The following TFDP1 variants were observed in gnomAD, a reference collection of about 807,000 sequenced individuals.
The protein encoded by TFDP1 is transcription factor Dp-1.
TFDP1 carries 6 observed loss-of-function variants against 48.0 expected under a neutral mutation model. The observed-to-expected ratio is 0.13, with a 90% CI of 0.07 to 0.25. The LOEUF is 0.25. TFDP1 is among the 10% of genes least tolerant of loss of function. The pLI is 1.00. For missense variants in TFDP1, 335 were observed against 543.0 expected, an observed-to-expected ratio of 0.62 and a Z score of 3.81; for synonymous variants, 201 against 211.6, an observed-to-expected ratio of 0.95 and a Z score of 0.44.
chr13:113,597,808 C>T lies in TFDP1; in HGVS notation c.12+11959C>T, dbSNP rs1027243279. On this transcript the variant is annotated intron_variant, in intron 2 of 11. Transcript: ENST00000375370. ...GTGTGTCCAATGTGAGGGCTCTGAG[C>T]TCAGGAGCCAGCATCCAGACACGCT... Among the ~76,000 whole-genome samples the T allele has an allele frequency of 3.2e-4, 48 of 152,338 alleles. 1 individual carries two copies. The highest frequency in any genetic ancestry group is 3.1e-3 in the Admixed American group (47 of 15,304).
intron 2 of TFDP1, among the ~76,000 whole-genome samples, chr13:113,588,190 C>T (rs539170297): frequency 6.6e-6 from 1 of 152,358 alleles, no homozygotes; most frequent in South Asian, 2.1e-4. Flanking sequence ...TGCAGTAAAA[C>T]CACAGGTGTA....
chr13:113,640,167 G>A lies in TFDP1; in HGVS notation c.1133G>A (p.Gly378Glu), dbSNP rs1246483711. 1 of 1,612,812 alleles carries A rather than the reference G, an allele frequency of 6.2e-7. No individual in the cohort carries two copies. The highest frequency in any genetic ancestry group is 2.2e-5 in the East Asian group (1 of 44,720). Residue 378 changes from glycine to glutamate, a missense_variant, in exon 12 of 12, where the codon GGG (glycine) becomes GAG (glutamate). By Grantham distance (98) the Gly-to-Glu change is moderately conservative. Around this residue, in one of 3 missense-constraint regions of TFDP1, gnomAD observed 204 missense variants for 287.1 expected, o/e 0.71. Coordinates refer to ENST00000375370, the MANE Select transcript of TFDP1 (RefSeq NM_007111.5). The part of the protein sequence containing the change: ...ADGMLATSSN[G>E]SQYSGSRVET... ...GGGATGCTGGCCACAAGCTCCAATG[G>A]GTCTCAGTACAGCGGCTCCAGGGTG...
chr13:113,608,797 G>A (rs990212734), intron 2 of TFDP1, among the ~76,000 whole-genome samples: 1 of 152,170 alleles, frequency 6.6e-6, no homozygotes, highest in Non-Finnish European at 1.5e-5. Context: ...TTCATCTCCT[G>A]TGGGTTCTAG....
chr13:113,610,289 G>A (rs904238190), intron 2 of TFDP1, among the ~76,000 whole-genome samples: 1 of 152,124 alleles, frequency 6.6e-6, no homozygotes, highest in African/African-American at 2.4e-5. Context: ...TGTGCTTGCT[G>A]TGTGGCTGTA....
chr13:113,629,380 A>T (rs1001473898), intron 4 of TFDP1, among the ~76,000 whole-genome samples: 1 of 152,182 alleles, frequency 6.6e-6, no homozygotes, highest in Non-Finnish European at 1.5e-5. Context: ...GGTGAGCACC[A>T]TTGAGCACCT....
At chr13:113,603,171 C>T (rs372191334) in intron 2 of TFDP1, among the ~76,000 whole-genome samples, 2 of 152,186 alleles carry the variant, frequency 1.3e-5, no homozygotes, top group South Asian at 2.1e-4. Flanking sequence ...GGTGAGACAG[C>T]GTGGGGTCCA....
At position 113,635,110 on chromosome 13, in the gene TFDP1, G is replaced by C. The variant is rs4150803; in HGVS notation, c.687+508G>C. ...GGTGGACACAGTGCACCTGGGTCTT[G>C]ACAGTGCTGATCAGGGCCCTGGAGC... is the stretch of plus-strand genomic sequence containing the variant. On this transcript the variant is annotated intron_variant, in intron 8 of 11. Transcript: ENST00000375370. Among the ~76,000 whole-genome samples, 61 of 152,356 alleles carry C rather than the reference G, an allele frequency of 4.0e-4. 1 individual carries two copies. The South Asian group carries it at 0.013, about 32-fold the overall frequency.
intron 9 of TFDP1, 91 bp from the exon 10 acceptor site, chr13:113,636,443 C>CG: frequency 7.1e-7 from 1 of 1,409,778 alleles, no homozygotes; most frequent in African/African-American, 1.4e-5. Context: ...CTGTGTGTGG[C>CG]GGTCAGCGGG....
chr13:113,614,649 C>G (rs1176912209), intron 3 of TFDP1, among the ~76,000 whole-genome samples: 1 of 152,210 alleles, frequency 6.6e-6, no homozygotes, highest in African/African-American at 2.4e-5. Context: ...CAGCTCCACT[C>G]CACGTCACAG....
chr13:113,622,780 G>C (rs750601824), intron 3 of TFDP1, among the ~76,000 whole-genome samples: 35 of 152,370 alleles, frequency 2.3e-4, no homozygotes, highest in Non-Finnish European at 4.6e-4. Context: ...TGGATTATCA[G>C]ATTTCCAAAC....
At position 113,623,333 on chromosome 13, in the gene TFDP1, G is replaced by C. The variant is rs749358296; in HGVS notation, c.186+47G>C. 1 of 1,533,898 alleles carries C rather than the reference G, an allele frequency of 6.5e-7. No individual in the cohort carries two copies. Among genetic ancestry groups the C allele is most frequent in the Non-Finnish European group, 8.9e-7 (1 of 1,129,168 alleles). ...ACAGCCGGGATCTCGGTGTGAGGTC[G>C]GGATCGGATGAGCCGTGTGGTTGGG... On this transcript the variant is annotated intron_variant, in intron 4 of 11. Coordinates refer to ENST00000375370, the MANE Select transcript of TFDP1 (RefSeq NM_007111.5). The surrounding 1 kb of genome is among the most constrained non-coding windows in gnomAD (Gnocchi z 5.2).
Position 113,634,674 on chromosome 13 carries a change from C to T in TFDP1, c.687+72C>T, listed in dbSNP as rs949975894. ...AATTTAGCTTTATAACGGCAACATACTGCCTTGGGTTACACTCCTGCATGG... is the reference window on the plus strand; with the variant it reads ...AATTTAGCTTTATAACGGCAACATATTGCCTTGGGTTACACTCCTGCATGG... On this transcript the variant is annotated intron_variant, in intron 8 of 11. Coordinates refer to ENST00000375370, the MANE Select transcript of TFDP1 (RefSeq NM_007111.5). 7 of 1,179,550 alleles carry T rather than the reference C, an allele frequency of 5.9e-6. No homozygotes were observed. In the African/African-American group the frequency reaches 1.1e-4, roughly 18 times the overall value. 73.1% of individuals were successfully genotyped at this position (1,179,550 alleles called of 1,614,324 possible). A position where few individuals can be genotyped will look rare whatever the true frequency, so the allele number is the denominator to read the frequency against.
chr13:113,585,092 C>G (rs1208161775), intron 1 of TFDP1, among the ~76,000 whole-genome samples: 1 of 146,440 alleles, frequency 6.8e-6, no homozygotes, highest in Admixed American at 6.8e-5. Flanking sequence ...GACCGCGGGG[C>G]GGGGGTCCCG....
chr13:113,592,762 G>C (rs1215718717), intron 2 of TFDP1, among the ~76,000 whole-genome samples: 2 of 152,116 alleles, frequency 1.3e-5, no homozygotes, highest in African/African-American at 2.4e-5. Flanking sequence ...GGCATATGCT[G>C]GTCCTCAGCC....
At chr13:113,606,854 G>T (rs2048583134) in intron 2 of TFDP1, among the ~76,000 whole-genome samples, 1 of 152,208 alleles carries the variant, frequency 6.6e-6, no homozygotes, top group Non-Finnish European at 1.5e-5. Flanking sequence ...ATCCCACCAA[G>T]ATAGGCGCTT....
At chr13:113,615,717 A>G (rs372000529) in intron 3 of TFDP1, among the ~76,000 whole-genome samples, 7 of 152,202 alleles carry the variant, frequency 4.6e-5, no homozygotes, top group African/African-American at 1.7e-4. Context: ...CAGTCTGGGC[A>G]ACAACGGGAG....
At chr13:113,612,967 G>A (rs903068213) in intron 3 of TFDP1, among the ~76,000 whole-genome samples, 5 of 152,256 alleles carry the variant, frequency 3.3e-5, no homozygotes, top group African/African-American at 1.2e-4. Context: ...GCAGCTCCTG[G>A]ACCTCCCCTG....
chr13:113,606,124 C>T (rs1468508504), intron 2 of TFDP1, among the ~76,000 whole-genome samples: 1 of 143,268 alleles, frequency 7.0e-6, no homozygotes, highest in African/African-American at 2.6e-5. Context: ...TGGTGAGTGT[C>T]TGCAGGGGAT....
chr13:113,597,904 T>C (rs950843661), intron 2 of TFDP1, among the ~76,000 whole-genome samples: 12 of 152,138 alleles, frequency 7.9e-5, no homozygotes, highest in African/African-American at 2.9e-4. Flanking sequence ...GGGCACTGTT[T>C]AGAATGATTG....
Sources: allele counts gnomAD v4.1 joint callset (sites outside exome capture counted in the v4.1 genomes callset), GRCh38; gene constraint gnomAD v4.1.1; regional missense constraint gnomAD v4.1.1; non-coding constraint Gnocchi (gnomAD v3.1); transcripts MANE v1.5; gene names NCBI Gene and HGNC (gene_info 2026-07-23, HGNC 2026-07-21).